Variants in IGBP1C observed in about 807,000 individuals in gnomAD.
The protein encoded by IGBP1C is immunoglobulin-binding protein 1 family member C.
the IGBP1C span, among the ~76,000 whole-genome samples, chr17:58,691,148 G>A: frequency 1.3e-5 from 2 of 152,006 alleles, no homozygotes; most frequent in Admixed American, 6.6e-5. Flanking sequence ...GAGCCACTGC[G>A]CCCGGCCAGC....
At chr17:58,679,408 A>C in the IGBP1C span, 1 of 151,106 alleles carries the variant, frequency 6.6e-6, no homozygotes, top group East Asian at 1.9e-4. Context: ...GTGTGGAGAA[A>C]AAAATGACCA....
chr17:58,661,766 GCCGGGTCTGAATCGCTGCTCCACT>G, the IGBP1C span: 38 of 546,146 alleles, frequency 7.0e-5, no homozygotes, highest in Admixed American at 4.6e-4. Context: ...AGTCGGTTGT[GCCGGGTCTGAATCGCTGCTCCACT>G]CCGGGTCTTC....
At chr17:58,681,815 C>A in the IGBP1C span, among the ~76,000 whole-genome samples, 1 of 151,722 alleles carries the variant, frequency 6.6e-6, no homozygotes, top group Non-Finnish European at 1.5e-5. Flanking sequence ...TGCACTCCAG[C>A]CTGGGTGACA....
At chr17:58,669,257 C>G in the IGBP1C span, among the ~76,000 whole-genome samples, 1 of 151,692 alleles carries the variant, frequency 6.6e-6, no homozygotes, top group African/African-American at 2.4e-5. Context: ...GAGGCTGAGG[C>G]AGAAGAATGG....
the IGBP1C span, among the ~76,000 whole-genome samples, chr17:58,668,601 T>C: frequency 6.6e-6 from 1 of 152,158 alleles, no homozygotes; most frequent in African/African-American, 2.4e-5. Context: ...ATTTTGCATA[T>C]GAGAAAACTG....
the IGBP1C span, among the ~76,000 whole-genome samples, chr17:58,689,644 T>C: frequency 6.6e-6 from 1 of 152,176 alleles, no homozygotes; most frequent in Non-Finnish European, 1.5e-5. Context: ...ATTTAACTCT[T>C]CCCTCCCTGA....
At chr17:58,661,587 C>A in the IGBP1C span, 1 of 725,612 alleles carries the variant, frequency 1.4e-6, no homozygotes. Flanking sequence ...AACTCGTCTT[C>A]AGCAGCTGCC....
chr17:58,686,937 G>C, the IGBP1C span, among the ~76,000 whole-genome samples: 4 of 131,120 alleles, frequency 3.1e-5, no homozygotes. Flanking sequence ...GCAGGGGAGG[G>C]ATCTCAGCTC....
the IGBP1C span, among the ~76,000 whole-genome samples, chr17:58,683,236 G>A: frequency 1.3e-5 from 2 of 151,280 alleles, no homozygotes; most frequent in Admixed American, 6.6e-5. Flanking sequence ...AGCTGGGCAT[G>A]GTGGCACGTG....
the IGBP1C span, among the ~76,000 whole-genome samples, chr17:58,671,400 G>T: frequency 1.3e-5 from 2 of 152,094 alleles, no homozygotes; most frequent in African/African-American, 2.4e-5. Flanking sequence ...AGATTTCTCT[G>T]CCCCTTCCCA....
At chr17:58,669,499 G>A in the IGBP1C span, among the ~76,000 whole-genome samples, 4 of 151,866 alleles carry the variant, frequency 2.6e-5, no homozygotes, top group Non-Finnish European at 4.4e-5. Flanking sequence ...TTCGGAGGCC[G>A]AGGTTAAGTG....
At chr17:58,672,780 G>A in the IGBP1C span, among the ~76,000 whole-genome samples, 3 of 151,926 alleles carry the variant, frequency 2.0e-5, no homozygotes, top group Non-Finnish European at 2.9e-5. Flanking sequence ...CACCCGGGCT[G>A]GAGTGCAATG....
the IGBP1C span, among the ~76,000 whole-genome samples, chr17:58,668,720 G>A: frequency 6.6e-6 from 1 of 152,132 alleles, no homozygotes; most frequent in Non-Finnish European, 1.5e-5. Flanking sequence ...ACACAGACAA[G>A]GGTGACATCT....
the IGBP1C span, among the ~76,000 whole-genome samples, chr17:58,682,670 G>A: frequency 2.0e-4 from 30 of 152,128 alleles, no homozygotes; most frequent in African/African-American, 2.7e-4. Flanking sequence ...CACCATGCCC[G>A]GCTGCCCAGC....
At chr17:58,669,985 A>G in the IGBP1C span, among the ~76,000 whole-genome samples, 2 of 152,046 alleles carry the variant, frequency 1.3e-5, no homozygotes, top group African/African-American at 4.8e-5. Flanking sequence ...GCCTGCCTGT[A>G]CTGTCCACCA....
At chr17:58,689,170 C>T in the IGBP1C span, among the ~76,000 whole-genome samples, 30 of 151,950 alleles carry the variant, frequency 2.0e-4, no homozygotes, top group African/African-American at 6.8e-4. Flanking sequence ...TCTCGTGATC[C>T]GCCCACCTCG....
chr17:58,676,385 C>A, the IGBP1C span, among the ~76,000 whole-genome samples: 73 of 149,894 alleles, frequency 4.9e-4, no homozygotes, highest in Admixed American at 1.7e-3. Context: ...TCAAAAAAAA[C>A]CAAAAAAACA....
chr17:58,662,521 A>G, the IGBP1C span, among the ~76,000 whole-genome samples: 1 of 152,114 alleles, frequency 6.6e-6, no homozygotes, highest in African/African-American at 2.4e-5. Flanking sequence ...AGATGGAGAA[A>G]CACAGCCCCT....
the IGBP1C span, among the ~76,000 whole-genome samples, chr17:58,689,206 C>G: frequency 6.7e-6 from 1 of 150,268 alleles, no homozygotes; most frequent in Non-Finnish European, 1.5e-5. Context: ...GTGAAACAGG[C>G]GTGAGACATC....
Sources: gnomAD v4.1 joint callset for allele counts (sites outside exome capture counted in the v4.1 genomes callset) on GRCh38, gnomAD v4.1.1 for gene constraint, MANE v1.5 for transcripts, NCBI Gene and HGNC (gene_info 2026-07-23, HGNC 2026-07-21) for gene names.